The following MCPH1 variants were observed in gnomAD, a reference collection of about 807,000 sequenced individuals.
MCPH1 encodes microcephalin.
Under a neutral mutation model 84.5 loss-of-function variants are expected in MCPH1, and 104 were observed. That is an observed-to-expected ratio of 1.23 (90% CI 1.05 to 1.45). The LOEUF (loss-of-function observed/expected upper bound fraction) is 1.45, where lower values mean the gene tolerates loss of function less well. MCPH1 is among the 40% of genes most tolerant of loss of function. MCPH1 has a pLI of 0.00. For missense variants in MCPH1, 1,498 were observed against 1,005.7 expected, an observed-to-expected ratio of 1.49 and a Z score of -6.62; for synonymous variants, 514 against 366.8, an observed-to-expected ratio of 1.40 and a Z score of -4.58.
intron 11 of MCPH1, among the ~76,000 whole-genome samples, chr8:6,492,692 A>C (rs1017200648): frequency 3.4e-5 from 5 of 147,390 alleles, no homozygotes; most frequent in African/African-American, 1.2e-4. Context: ...TAAAATTTAA[A>C]ATTTTTTTAA....
At chr8:6,522,756 A>G (rs1817608494) in intron 12 of MCPH1, among the ~76,000 whole-genome samples, 1 of 151,372 alleles carries the variant, frequency 6.6e-6, no homozygotes, top group South Asian at 2.1e-4. Flanking sequence ...CCTGGGCAAC[A>G]GAGCGAGACA....
intron 13 of MCPH1, among the ~76,000 whole-genome samples, chr8:6,628,002 G>C (rs2059535): frequency 0.049 from 7,458 of 152,048 alleles, 323 homozygotes; most frequent in East Asian, 0.24. Flanking sequence ...GCTTTGGAAA[G>C]GTTTGCTCAG....
chr8:6,556,222 C>A (rs953519167), intron 12 of MCPH1, among the ~76,000 whole-genome samples: 1 of 152,058 alleles, frequency 6.6e-6, no homozygotes, highest in African/African-American at 2.4e-5. Flanking sequence ...AGTACTACAG[C>A]ATATACAGTG....
chr8:6,562,576 G>GTTTTT, intron 12 of MCPH1: 2 of 96,576 alleles, frequency 2.1e-5, no homozygotes, highest in Non-Finnish European at 3.5e-5. Flanking sequence ...TTTTTTGGTT[G>GTTTTT]TTAAAACCTG....
At chr8:6,503,106 A>G in intron 12 of MCPH1, 2 of 1,614,154 alleles carry the variant, frequency 1.2e-6, no homozygotes, top group Non-Finnish European at 1.7e-6. Flanking sequence ...GATGTTTAGA[A>G]ATCTGCTGGT....
At chr8:6,514,229 G>A (rs756351567) in intron 12 of MCPH1, among the ~76,000 whole-genome samples, 3 of 152,156 alleles carry the variant, frequency 2.0e-5, no homozygotes, top group Non-Finnish European at 4.4e-5. Flanking sequence ...TTACTCTGTT[G>A]CCCAGGCTGG....
chr8:6,512,631 T>A (rs1167472102), intron 12 of MCPH1, among the ~76,000 whole-genome samples: 1 of 152,222 alleles, frequency 6.6e-6, no homozygotes. Context: ...AGTGCCTCTA[T>A]GTGCCTTGTG....
chr8:6,428,695 C>G (rs1189555292), intron 3 of MCPH1, among the ~76,000 whole-genome samples: 2 of 152,194 alleles, frequency 1.3e-5, no homozygotes, highest in African/African-American at 4.8e-5. Context: ...ATTAGAATTT[C>G]ATTTCTTTTT....
chr8:6,474,120 A>C, intron 9 of MCPH1: 1 of 765,204 alleles, frequency 1.3e-6, no homozygotes, highest in Admixed American at 1.7e-5. Flanking sequence ...AAGAAATCAC[A>C]ACCGTGGTAA....
chr8:6,568,500 A>G (rs1414911273), intron 12 of MCPH1, among the ~76,000 whole-genome samples: 2 of 152,208 alleles, frequency 1.3e-5, no homozygotes, highest in African/African-American at 4.8e-5. Context: ...GTCCAGTTTA[A>G]TGCTCAGCAT....
chr8:6,626,637 T>A, intron 13 of MCPH1: 1 of 985,088 alleles, frequency 1.0e-6, no homozygotes, highest in Non-Finnish European at 1.2e-6. Flanking sequence ...CATTTGCTAA[T>A]GGTTGCATTT....
intron 8 of MCPH1, among the ~76,000 whole-genome samples, chr8:6,448,936 C>G (rs898867880): frequency 2.0e-4 from 30 of 151,990 alleles, no homozygotes; most frequent in Non-Finnish European, 5.9e-5. Flanking sequence ...TTTATTGACA[C>G]TGGAATACAT....
rs1202126104 is a variant in MCPH1 at position 6,645,898 on chromosome 8, A to G, written c.*2849A>G. The G allele has an allele frequency of 2.0e-5, 3 of 152,222 alleles. No individual in the cohort carries two copies. The highest frequency in any genetic ancestry group is 7.2e-5 in the African/African-American group (3 of 41,464). 9.4% of individuals were successfully genotyped at this position (152,222 alleles called of 1,614,324 possible). A position where few individuals can be genotyped will look rare whatever the true frequency, so the allele number is the denominator to read the frequency against. On this transcript the variant is annotated 3_prime_UTR_variant, in exon 14 of 14. Coordinates refer to ENST00000344683, the MANE Select transcript of MCPH1 (RefSeq NM_024596.5). ...GACTTCTTTAAATAGAGACATATAC[A>G]AAGTTCATAGATTAGAAGATGCAAT...
chr8:6,490,831 G>C (rs1166499299), intron 11 of MCPH1, among the ~76,000 whole-genome samples: 1 of 151,910 alleles, frequency 6.6e-6, no homozygotes, highest in Non-Finnish European at 1.5e-5. Flanking sequence ...TCATAATAGA[G>C]CTGTTTTTTA....
intron 12 of MCPH1, among the ~76,000 whole-genome samples, chr8:6,579,125 C>T (rs1263347010): frequency 6.6e-6 from 1 of 152,204 alleles, no homozygotes; most frequent in Non-Finnish European, 1.5e-5. Flanking sequence ...GTCTTTCATT[C>T]ACTTAAAACT....
chr8:6,436,019 G>A (rs757788497), intron 4 of MCPH1, 29 bp from the exon 5 acceptor site: 2 of 1,611,298 alleles, frequency 1.2e-6, no homozygotes, highest in South Asian at 1.1e-5. Flanking sequence ...TTGCAGTACA[G>A]CATTAATTTT....
chr8:6,633,941 G>A (rs1158471208), intron 13 of MCPH1, among the ~76,000 whole-genome samples: 1 of 152,156 alleles, frequency 6.6e-6, no homozygotes, highest in Non-Finnish European at 1.5e-5. Context: ...CTTGTTGGAG[G>A]AACTGAACAG....
chr8:6,531,885 C>G (rs1192676108), intron 12 of MCPH1, among the ~76,000 whole-genome samples: 5 of 152,164 alleles, frequency 3.3e-5, no homozygotes, highest in Admixed American at 6.5e-5. Context: ...GCTGTGTTAG[C>G]TGTTGAGATT....
chr8:6,466,516 C>G (rs1028214963), intron 9 of MCPH1, among the ~76,000 whole-genome samples: 68 of 152,192 alleles, frequency 4.5e-4, no homozygotes, highest in Admixed American at 1.5e-3. Context: ...GCCGTATTAG[C>G]CAGGATGGTC....
Sources: allele counts gnomAD v4.1 joint callset (sites outside exome capture counted in the v4.1 genomes callset), GRCh38; gene constraint gnomAD v4.1.1; transcripts MANE v1.5; gene names NCBI Gene and HGNC (gene_info 2026-07-23, HGNC 2026-07-21).